Variants in ALPK1 observed in about 807,000 individuals in gnomAD.
ALPK1 encodes the protein alpha kinase 1, also known as alpha-protein kinase 1.
ALPK1 carries 110 observed loss-of-function variants against 120.6 expected under a neutral mutation model. The ratio of observed to expected loss-of-function variants is 0.91; its 90% CI spans 0.78 to 1.07. The LOEUF (loss-of-function observed/expected upper bound fraction) is 1.07, where lower values mean the gene tolerates loss of function less well. ALPK1 is among the 50% of genes least tolerant of loss of function. The pLI is 0.00. For synonymous variants in ALPK1, 582 were observed against 560.3 expected, an observed-to-expected ratio of 1.04 and a Z score of -0.55; for missense variants, 1,498 against 1,483.9, an observed-to-expected ratio of 1.01 and a Z score of -0.16.
intron 3 of ALPK1, 135 bp downstream of exon 3, chr4:112,378,033 T>G: frequency 1.2e-5 from 13 of 1,073,112 alleles, no homozygotes; most frequent in African/African-American, 1.6e-5. Flanking sequence ...AGTGGATTTC[T>G]AGGGCATGAA....
chr4:112,370,929 T>C (rs546509583), intron 2 of ALPK1, among the ~76,000 whole-genome samples: 1 of 152,362 alleles, frequency 6.6e-6, no homozygotes, highest in South Asian at 2.1e-4. Flanking sequence ...AACTTACTTT[T>C]ATATGTAGAA....
At chr4:112,366,731 A>C (rs1400768019) in intron 2 of ALPK1, among the ~76,000 whole-genome samples, 1 of 152,224 alleles carries the variant, frequency 6.6e-6, no homozygotes, top group Non-Finnish European at 1.5e-5. Context: ...CATTATATGA[A>C]AAAGATACTT....
rs34345428 is a variant in ALPK1, at chr4:112,382,289, C to CTTTTTTTTT, written c.122-96_122-88dup. 115 of 671,390 alleles carry CTTTTTTTTT rather than the reference C, an allele frequency of 1.7e-4. 1 individual carries two copies. In the African/African-American group the frequency reaches 2.3e-3, roughly 14 times the overall value. 41.6% of individuals were successfully genotyped at this position (671,390 alleles called of 1,614,324 possible). On this transcript the variant is annotated intron_variant, in intron 3 of 15. Transcript: ENST00000650871. The stretch of plus-strand genomic sequence containing the variant: ...CAAGAGGCAGGGAAAAGGTTTTTCT[C>CTTTTTTTTT]TTTTTTTTTTTTTTTTTTTTTGCCA...
In ALPK1 at chr4:112,354,826, T is replaced by G. The variant is rs1444263720; in HGVS notation, c.-100-22852T>G. ...TTGCATCATTTAATTATATACTAAT[T>G]TATTAATTATTGACATTTGGTATAA... On this transcript the variant is annotated intron_variant, in intron 2 of 15. Transcript: ENST00000650871. 2.6e-5 allele frequency among the ~76,000 whole-genome samples: 4 copies of G among 152,216 alleles called. No homozygotes were observed. In the East Asian group the frequency reaches 7.7e-4, roughly 29 times the overall value.
In ALPK1 at chr4:112,426,451, C is replaced by CT. The variant is rs1429812208; in HGVS notation, c.623-15dup. 1.3e-6 allele frequency: 2 copies of CT among 1,574,786 alleles called. No homozygotes were observed. Among genetic ancestry groups the CT allele is most frequent in the South Asian group, 1.1e-5 (1 of 88,070 alleles). On this transcript the variant is annotated splice_polypyrimidine_tract_variant and intron_variant, in intron 7 of 15. Coordinates refer to ENST00000650871, the MANE Select transcript of ALPK1 (RefSeq NM_025144.4). Reference sequence around the variant, plus strand: ...TCCTCCCCTGTCCCTCTCCCCGCCCCTCTTTTTTTTTTCAGGGATGTGGTA... The same window carrying CT: ...TCCTCCCCTGTCCCTCTCCCCGCCCCTTCTTTTTTTTTTCAGGGATGTGGTA...
intron 3 of ALPK1, 60 bp from the exon 4 acceptor site, chr4:112,382,338 G>T (rs1731957516): frequency 2.2e-5 from 26 of 1,180,362 alleles, no homozygotes; most frequent in East Asian, 5.4e-5. Flanking sequence ...TCATAACATT[G>T]GTAGCTCAAC....
intron 5 of ALPK1, among the ~76,000 whole-genome samples, chr4:112,421,771 G>A (rs13120435): frequency 0.18 from 28,048 of 152,054 alleles, 2,981 homozygotes; most frequent in Non-Finnish European, 0.24. Context: ...TTTCACAGTT[G>A]GAGATGTGAC....
Position 112,432,276 on chromosome 4 carries a change from A to T in ALPK1, c.2729A>T (p.Glu910Val), listed in dbSNP as rs1734599187. ...VLSEDCTTTEEGNQPGNMLNC... is the reference protein window; with the variant it reads ...VLSEDCTTTEVGNQPGNMLNC... ...AGCGAGGACTGCACTACCACAGAGG[A>T]AGGAAATCAGCCTGGAAACATGCTA... The change falls in exon 11 of 16, where the codon GAA (glutamate) becomes GTA (valine). Residue 910 changes from glutamate (E) to valine (V), a missense_variant. By Grantham distance (121) the Glu-to-Val change is moderately radical. Transcript: ENST00000650871. 6.2e-7 allele frequency: 1 copy of T among 1,614,082 alleles called. No individual in the cohort carries two copies. The highest frequency in any genetic ancestry group is 8.5e-7 in the Non-Finnish European group (1 of 1,180,032).
At chr4:112,323,732 G>A (rs923065839) in intron 2 of ALPK1, among the ~76,000 whole-genome samples, 2 of 152,138 alleles carry the variant, frequency 1.3e-5, no homozygotes, top group African/African-American at 4.8e-5. Context: ...GCAATTCTTG[G>A]AAAATATTAA....
At chr4:112,400,133 C>G (rs1474394341) in intron 4 of ALPK1, among the ~76,000 whole-genome samples, 2 of 152,122 alleles carry the variant, frequency 1.3e-5, no homozygotes, top group Non-Finnish European at 2.9e-5. Context: ...ATTGCTGGGT[C>G]AAATGATATT....
At chr4:112,327,254 G>A (rs948940148) in intron 2 of ALPK1, among the ~76,000 whole-genome samples, 1 of 152,188 alleles carries the variant, frequency 6.6e-6, no homozygotes, top group Non-Finnish European at 1.5e-5. Flanking sequence ...TTAATAAACT[G>A]CATCACCTCT....
intron 1 of ALPK1, among the ~76,000 whole-genome samples, chr4:112,313,409 A>G (rs543569900): frequency 2.6e-5 from 4 of 152,236 alleles, no homozygotes; most frequent in Admixed American, 2.6e-4. Context: ...TGGCACATCA[A>G]CTAAGATAAG....
At chr4:112,423,223 G>T (rs1734075919) in intron 5 of ALPK1, among the ~76,000 whole-genome samples, 1 of 152,192 alleles carries the variant, frequency 6.6e-6, no homozygotes, top group South Asian at 2.1e-4. Flanking sequence ...AGATATTTGG[G>T]ATGAAAGCGT....
chr4:112,439,517 C>A (rs1477703905), intron 13 of ALPK1, among the ~76,000 whole-genome samples, 169 bp from the exon 14 acceptor site: 2 of 152,164 alleles, frequency 1.3e-5, no homozygotes, highest in Non-Finnish European at 2.9e-5. Flanking sequence ...TTGCATAATC[C>A]CTTTAACAAG....
At chr4:112,314,882 T>A (rs1171260860) in intron 1 of ALPK1, among the ~76,000 whole-genome samples, 5 of 143,986 alleles carry the variant, frequency 3.5e-5, no homozygotes, top group African/African-American at 1.3e-4. Flanking sequence ...TTGCCTTTTT[T>A]TTTTTTTTTT....
At chr4:112,303,996 G>A (rs1578443652) in intron 1 of ALPK1, among the ~76,000 whole-genome samples, 1 of 152,012 alleles carries the variant, frequency 6.6e-6, no homozygotes, top group East Asian at 1.9e-4. Flanking sequence ...GAGAACATGG[G>A]GTGTTTGGTT....
chr4:112,380,574 T>TA (rs777701539), intron 3 of ALPK1, among the ~76,000 whole-genome samples: 15 of 152,208 alleles, frequency 9.9e-5, no homozygotes, highest in South Asian at 2.1e-4. Context: ...AAATGGCTCA[T>TA]AAAAAGGGAT....
chr4:112,375,705 C>A (rs1211180089), intron 2 of ALPK1, among the ~76,000 whole-genome samples: 2 of 151,826 alleles, frequency 1.3e-5, no homozygotes, highest in African/African-American at 2.4e-5. Context: ...TTCTTACCAC[C>A]TGTGTGTTCT....
intron 2 of ALPK1, among the ~76,000 whole-genome samples, chr4:112,369,233 G>A (rs1385230522): frequency 6.6e-6 from 1 of 152,136 alleles, no homozygotes; most frequent in African/African-American, 2.4e-5. Context: ...GTTTTAAAAT[G>A]CTGACAAATG....
Sources: allele counts gnomAD v4.1 joint callset (sites outside exome capture counted in the v4.1 genomes callset), GRCh38; gene constraint gnomAD v4.1.1; transcripts MANE v1.5; gene names NCBI Gene and HGNC (gene_info 2026-07-23, HGNC 2026-07-21).